The following ARID5B variants were observed in gnomAD, a reference collection of about 807,000 sequenced individuals.
ARID5B encodes the protein AT-rich interaction domain 5B.
A neutral mutation model predicts 97.2 loss-of-function variants in ARID5B; 13 were observed. That is an observed-to-expected ratio of 0.13 (90% confidence interval 0.09 to 0.21). ARID5B has a LOEUF of 0.21. Ranked by LOEUF, ARID5B falls within the 10% of genes least tolerant of loss-of-function variation. ARID5B has a pLI of 1.00. For missense variants in ARID5B, 1,210 were observed against 1,465.3 expected, an observed-to-expected ratio of 0.83 and a Z score of 2.84; for synonymous variants, 556 against 570.3, an observed-to-expected ratio of 0.97 and a Z score of 0.36.
At chr10:62,015,820 C>T (rs1031394632) in intron 4 of ARID5B, among the ~76,000 whole-genome samples, 5 of 152,124 alleles carry the variant, frequency 3.3e-5, no homozygotes, top group Non-Finnish European at 7.3e-5. Context: ...GATGGGGTTT[C>T]GCTACAGTGG....
At chr10:61,949,248 T>G (rs1343283867) in intron 3 of ARID5B, among the ~76,000 whole-genome samples, 1 of 152,236 alleles carries the variant, frequency 6.6e-6, no homozygotes, top group African/African-American at 2.4e-5. Context: ...AGTTTAATCA[T>G]GTTGTTCTCT....
chr10:62,086,658 G>A (rs1453638481), intron 9 of ARID5B, among the ~76,000 whole-genome samples: 3 of 136,760 alleles, frequency 2.2e-5, no homozygotes, highest in Non-Finnish European at 3.1e-5. Context: ...CTGAGATCAC[G>A]ACAGCCTGGG....
intron 4 of ARID5B, among the ~76,000 whole-genome samples, chr10:62,021,160 A>G (rs1839352716): frequency 1.3e-5 from 2 of 151,336 alleles, no homozygotes; most frequent in African/African-American, 4.9e-5. Flanking sequence ...CATAGAGCTC[A>G]GTGCCAAGTC....
intron 4 of ARID5B, chr10:62,046,907 T>C (rs994465513): frequency 6.6e-6 from 1 of 152,292 alleles, no homozygotes; most frequent in African/African-American, 2.4e-5. Context: ...CCTCGTGCTA[T>C]GTAGTACTTG....
intron 4 of ARID5B, among the ~76,000 whole-genome samples, chr10:62,019,780 T>TA (rs1491162529): frequency 6.6e-6 from 1 of 152,226 alleles, no homozygotes; most frequent in Non-Finnish European, 1.5e-5. Context: ...CATACACTTT[T>TA]AGTCTCTTTC....
At chr10:62,049,185 T>C in intron 4 of ARID5B, 1 of 1,274,524 alleles carries the variant, frequency 7.8e-7, no homozygotes, top group Non-Finnish European at 9.9e-7. Flanking sequence ...GAAATCACCA[T>C]CTCCGTGCGG....
At chr10:61,985,109 A>G (rs969072640) in intron 3 of ARID5B, among the ~76,000 whole-genome samples, 2 of 151,848 alleles carry the variant, frequency 1.3e-5, no homozygotes, top group African/African-American at 4.8e-5. Context: ...GTATCCTTCA[A>G]AAGTTAGCTT....
At chr10:61,979,917 C>A (rs576718419) in intron 3 of ARID5B, among the ~76,000 whole-genome samples, 1 of 152,076 alleles carries the variant, frequency 6.6e-6, no homozygotes, top group Non-Finnish European at 1.5e-5. Flanking sequence ...CATGGTGAAA[C>A]CCCGTTTCTA....
intron 4 of ARID5B, among the ~76,000 whole-genome samples, chr10:62,025,542 A>G (rs894235282): frequency 2.0e-5 from 3 of 152,196 alleles, no homozygotes; most frequent in Admixed American, 6.5e-5. Flanking sequence ...TGGTCATGCT[A>G]CTATATCCAC....
intron 4 of ARID5B, among the ~76,000 whole-genome samples, chr10:62,030,738 A>G (rs1274289254): frequency 6.6e-6 from 1 of 152,198 alleles, no homozygotes. Context: ...CATTTTTGAA[A>G]ATGATCACAC....
At position 62,094,955 on chromosome 10, in the gene ARID5B, G is replaced by A. The variant is rs975764018; in HGVS notation, c.*1925G>A. ...GCTCTTAAACAAAGCCATGCATGCC[G>A]TGCATTTGTATTGAAATGTCTCCAT... is the stretch of plus-strand genomic sequence containing the variant. On this transcript the variant is annotated 3_prime_UTR_variant, in exon 10 of 10. Transcript: ENST00000279873. 5.6e-5 allele frequency: 13 copies of A among 231,056 alleles called. No individual in the cohort carries two copies. Among genetic ancestry groups the A allele is most frequent in the Admixed American group, 2.8e-4 (5 of 17,722 alleles). The allele number at this position is 231,056 out of a possible 1,614,324, so 14.3% of individuals were successfully genotyped here. A position where few individuals can be genotyped will look rare whatever the true frequency, so the allele number is the denominator to read the frequency against.
At chr10:62,053,230 A>C (rs948750407) in intron 5 of ARID5B, among the ~76,000 whole-genome samples, 3 of 152,222 alleles carry the variant, frequency 2.0e-5, no homozygotes, top group Non-Finnish European at 2.9e-5. Context: ...ACCAAGACCC[A>C]TGTGACTGTT....
chr10:62,033,707 G>C (rs1839525854), intron 4 of ARID5B, among the ~76,000 whole-genome samples: 1 of 152,128 alleles, frequency 6.6e-6, no homozygotes, highest in Non-Finnish European at 1.5e-5. Flanking sequence ...GATAATAATG[G>C]TATTCACCAT....
In ARID5B at chr10:62,018,665, TC is replaced by T. The variant is rs1490292777; in HGVS notation, c.733+18345del. Among the ~76,000 whole-genome samples the T allele has an allele frequency of 4.6e-5, 7 of 150,836 alleles. No individual in the cohort carries two copies. The East Asian group carries it at 1.2e-3, about 25-fold the overall frequency. The stretch of plus-strand genomic sequence containing the variant: ...ACAGAAGGTAATTTTTTGTGGGTGT[TC>T]AGATACAAACATCTGCTTGACCACC... On this transcript the variant is annotated intron_variant, in intron 4 of 9. Coordinates refer to ENST00000279873, the MANE Select transcript of ARID5B (RefSeq NM_032199.3).
chr10:62,035,189 A>C (rs1839546474), intron 4 of ARID5B, among the ~76,000 whole-genome samples: 1 of 152,224 alleles, frequency 6.6e-6, no homozygotes, highest in Non-Finnish European at 1.5e-5. Context: ...ACCATCAAGG[A>C]TAGCCTAGCC....
intron 2 of ARID5B, among the ~76,000 whole-genome samples, chr10:61,937,121 G>A (rs1023394369): frequency 6.6e-6 from 1 of 152,196 alleles, no homozygotes; most frequent in African/African-American, 2.4e-5. Flanking sequence ...TTAAATGTCT[G>A]GTGCCCACGG....
At chr10:61,940,092 A>G (rs1240284499) in intron 2 of ARID5B, 91 bp from the exon 3 acceptor site, 1 of 1,178,590 alleles carries the variant, frequency 8.5e-7, no homozygotes, top group African/African-American at 1.5e-5. Flanking sequence ...AACCACTCAC[A>G]TGGCATTTCA....
chr10:61,998,279 T>A (rs148396382), intron 3 of ARID5B, among the ~76,000 whole-genome samples: 1 of 152,366 alleles, frequency 6.6e-6, no homozygotes, highest in East Asian at 1.9e-4. Flanking sequence ...CGTCTCCCAC[T>A]GGTTACCAGA....
intron 3 of ARID5B, among the ~76,000 whole-genome samples, chr10:61,961,944 T>C (rs1838477441): frequency 6.6e-6 from 1 of 152,192 alleles, no homozygotes; most frequent in African/African-American, 2.4e-5. Flanking sequence ...AAACAGGGTT[T>C]CACCGTGTTA....
Sources: gnomAD v4.1 joint callset for allele counts (sites outside exome capture counted in the v4.1 genomes callset) on GRCh38, gnomAD v4.1.1 for gene constraint, MANE v1.5 for transcripts, NCBI Gene and HGNC (gene_info 2026-07-23, HGNC 2026-07-21) for gene names.